Variants in GASK1A observed in about 807,000 individuals in gnomAD.
GASK1A encodes golgi associated kinase 1A, also known as Golgi-associated kinase 1A.
GASK1A carries 40 observed loss-of-function variants against 41.2 expected under a neutral mutation model. The ratio of observed to expected loss-of-function variants is 0.97; its 90% CI spans 0.75 to 1.27. GASK1A has a LOEUF of 1.27. Ranked by LOEUF, GASK1A falls within the 50% of genes most tolerant of loss-of-function variation. The pLI, the probability that GASK1A is intolerant of heterozygous loss-of-function variation, is 0.00. For missense variants in GASK1A, 678 were observed against 745.1 expected, an observed-to-expected ratio of 0.91 and a Z score of 1.05; for synonymous variants, 316 against 307.1, an observed-to-expected ratio of 1.03 and a Z score of -0.30.
intron 2 of GASK1A, among the ~76,000 whole-genome samples, chr3:43,046,635 G>A (rs1227330309): frequency 6.6e-6 from 1 of 152,228 alleles, no homozygotes; most frequent in Non-Finnish European, 1.5e-5. Flanking sequence ...GCAGAAATTT[G>A]CTTAAGTAAT....
rs534015166 is a variant in GASK1A, at chr3:42,984,385, C to T, written c.3+4740C>T. Among the ~76,000 whole-genome samples the T allele has an allele frequency of 9.9e-5, 15 of 152,242 alleles. No homozygotes were observed. The South Asian group carries it at 1.0e-3, about 11-fold the overall frequency. On this transcript the variant is annotated intron_variant, in intron 1 of 4. Transcript: ENST00000430121. The surrounding 1 kb of genome is among the most constrained non-coding windows in gnomAD (Gnocchi z 4.2). ...ATATACTCATACACACACATGTGCA[C>T]GCACACACACACTCACGCATGCACA...
At chr3:42,992,609 TG>T (rs779393114) in intron 1 of GASK1A, among the ~76,000 whole-genome samples, 63 of 152,272 alleles carry the variant, frequency 4.1e-4, no homozygotes, top group Middle Eastern at 3.4e-3. Context: ...AGAAGGAGTT[TG>T]GGATGTATGC....
chr3:43,043,180 C>G (rs548443706), intron 2 of GASK1A, among the ~76,000 whole-genome samples: 13 of 152,198 alleles, frequency 8.5e-5, no homozygotes, highest in Non-Finnish European at 1.8e-4. Flanking sequence ...CCCTTTCCAC[C>G]GTGAAGGTCC....
chr3:43,022,751 T>C (rs2089528600), intron 1 of GASK1A, among the ~76,000 whole-genome samples: 1 of 152,222 alleles, frequency 6.6e-6, no homozygotes, highest in Non-Finnish European at 1.5e-5. Flanking sequence ...CTTCCTCTCT[T>C]GGCATCTCCT....
chr3:43,002,102 T>C (rs1004224219), intron 1 of GASK1A, among the ~76,000 whole-genome samples: 16 of 152,194 alleles, frequency 1.1e-4, no homozygotes, highest in Non-Finnish European at 2.1e-4. Flanking sequence ...TAAATATGAG[T>C]GGAGCCAGGT....
At chr3:43,029,834 G>A (rs1040984054) in intron 1 of GASK1A, among the ~76,000 whole-genome samples, 11 of 152,242 alleles carry the variant, frequency 7.2e-5, no homozygotes, top group Non-Finnish European at 1.2e-4. Context: ...TGATGTTTAC[G>A]GTGCTGAGAA....
intron 2 of GASK1A, among the ~76,000 whole-genome samples, chr3:43,036,213 G>A (rs968994649): frequency 7.2e-5 from 11 of 152,186 alleles, no homozygotes; most frequent in African/African-American, 2.4e-4. Context: ...GACATGACTC[G>A]GCTGGGCTCA....
At chr3:43,021,505 C>A (rs554400793) in intron 1 of GASK1A, among the ~76,000 whole-genome samples, 50 of 152,290 alleles carry the variant, frequency 3.3e-4, no homozygotes, top group African/African-American at 1.1e-3. Flanking sequence ...TGAGCCAAAA[C>A]CCAGGAAGAG....
chr3:43,030,246 A>G (rs1275681737), intron 1 of GASK1A, among the ~76,000 whole-genome samples: 1 of 152,220 alleles, frequency 6.6e-6, no homozygotes, highest in Non-Finnish European at 1.5e-5. Flanking sequence ...ACCTCAAGTG[A>G]TCCACCCACC....
At chr3:43,035,233 A>C (rs2089598825) in intron 2 of GASK1A, among the ~76,000 whole-genome samples, 2 of 152,146 alleles carry the variant, frequency 1.3e-5, no homozygotes, top group Non-Finnish European at 1.5e-5. Flanking sequence ...CATTTAGTAC[A>C]TGGTAGCTCC....
chr3:42,997,491 A>G (rs1472184497), intron 1 of GASK1A, among the ~76,000 whole-genome samples: 1 of 152,048 alleles, frequency 6.6e-6, no homozygotes, highest in Non-Finnish European at 1.5e-5. Context: ...TCGGATTGGA[A>G]AACAACACAT....
chr3:43,049,075 G>C (rs2089676784), intron 2 of GASK1A, among the ~76,000 whole-genome samples: 1 of 152,194 alleles, frequency 6.6e-6, no homozygotes, highest in South Asian at 2.1e-4. Flanking sequence ...GGGGAGCTTG[G>C]ACCCCATCCT....
rs116484134 is a variant in GASK1A, at chr3:43,018,929, G to A, written c.4-13338G>A. 2.4e-3 allele frequency among the ~76,000 whole-genome samples: 369 copies of A among 152,320 alleles called. 3 individuals are homozygous for A. The highest frequency in any genetic ancestry group is 8.6e-3 in the African/African-American group (357 of 41,568). ...AGCAACTAGGTCAGCTAGCTCTGAA[G>A]CCAGACTGCCTGGGTTCGTGCCTTG... On this transcript the variant is annotated intron_variant, in intron 1 of 4. Transcript: ENST00000430121.
In GASK1A at chr3:43,051,715, T is replaced by C. The variant is rs529075075; in HGVS notation, c.1291-1806T>C. ...TGCCAGTAAATGTTCTCAACAAATG[T>C]CCTCTACCCTTCCAGGAGAAGGCTT... On this transcript the variant is annotated intron_variant, in intron 2 of 4. Transcript: ENST00000430121. Among the ~76,000 whole-genome samples the C allele has an allele frequency of 1.1e-4, 17 of 152,326 alleles. No individual in the cohort carries two copies. The East Asian group carries it at 2.9e-3, about 26-fold the overall frequency.
rs551867681 is a variant in GASK1A at position 43,032,380 on chromosome 3, C to T, written c.117C>T (p.Ser39=). ...CCCGCTTTCCCCCACAGCGTCCATC[C>T]GCCGGCCCAGACCCTGGTCCCATGG... ...AVTRFPPQRP[S]AGPDPGPMEP... Residue 39 remains serine, a synonymous_variant, in exon 2 of 5, where the codon TCC becomes TCT. Transcript: ENST00000430121. 65 of 1,551,640 alleles carry T rather than the reference C, an allele frequency of 4.2e-5. No individual in the cohort carries two copies. The highest frequency in any genetic ancestry group is 2.3e-4 in the South Asian group (19 of 84,048).
chr3:43,048,480 G>A (rs932908118), intron 2 of GASK1A, among the ~76,000 whole-genome samples: 3 of 152,154 alleles, frequency 2.0e-5, no homozygotes, highest in Non-Finnish European at 2.9e-5. Context: ...AGGAAACCTG[G>A]TGAGCAAATG....
At chr3:43,016,352 C>T (rs912339791) in intron 1 of GASK1A, among the ~76,000 whole-genome samples, 18 of 147,482 alleles carry the variant, frequency 1.2e-4, no homozygotes, top group Admixed American at 4.7e-4. Flanking sequence ...AAGCCACAGG[C>T]AGAGGCAGTG....
At chr3:42,987,235 G>A (rs2089316481) in intron 1 of GASK1A, among the ~76,000 whole-genome samples, 1 of 152,204 alleles carries the variant, frequency 6.6e-6, no homozygotes, top group African/African-American at 2.4e-5. Context: ...CCGGGGTCGG[G>A]TCATACAATC....
At chr3:42,998,273 C>T (rs888340297) in intron 1 of GASK1A, among the ~76,000 whole-genome samples, 5 of 152,012 alleles carry the variant, frequency 3.3e-5, no homozygotes, top group Admixed American at 2.6e-4. Context: ...GCCTCATATC[C>T]GAGAACCAGG....
Sources: allele counts gnomAD v4.1 joint callset (sites outside exome capture counted in the v4.1 genomes callset), GRCh38; gene constraint gnomAD v4.1.1; non-coding constraint Gnocchi (gnomAD v3.1); transcripts MANE v1.5; gene names NCBI Gene and HGNC (gene_info 2026-07-23, HGNC 2026-07-21).